Variants in CCDC171 observed in about 807,000 individuals in gnomAD.
CCDC171 encodes the protein coiled-coil domain-containing protein 171.
In CCDC171, 177 loss-of-function variants were observed where a neutral mutation model predicts 168.2. The ratio of observed to expected loss-of-function variants is 1.05; its 90% CI spans 0.93 to 1.19. The LOEUF (loss-of-function observed/expected upper bound fraction) is 1.19, where lower values mean the gene tolerates loss of function less well. CCDC171 is among the 50% of genes most tolerant of loss of function. The pLI is 0.00. For synonymous variants in CCDC171, 687 were observed against 540.8 expected (o/e 1.27, Z -3.75); for missense variants, 1,991 against 1,539.0 (o/e 1.29, Z -4.91).
chr9:15,560,619 G>C (rs2132487843), intron 1 of CCDC171, among the ~76,000 whole-genome samples: 1 of 152,186 alleles, frequency 6.6e-6, no homozygotes, highest in African/African-American at 2.4e-5. Flanking sequence ...ATTCTAGTTA[G>C]CCATTCATCT....
At chr9:15,839,598 G>C (rs766329595) in intron 21 of CCDC171, among the ~76,000 whole-genome samples, 1 of 152,084 alleles carries the variant, frequency 6.6e-6, no homozygotes, top group Non-Finnish European at 1.5e-5. Context: ...TAATATGCTT[G>C]AGTTATAATG....
At chr9:15,991,605 C>T (rs1244312914) in intron 3 of CCDC171, among the ~76,000 whole-genome samples, 1 of 152,088 alleles carries the variant, frequency 6.6e-6, no homozygotes, top group East Asian at 1.9e-4. Flanking sequence ...GAGATACAGA[C>T]ACAAAAATCC....
At chr9:15,573,265 A>G (rs563747147) in intron 3 of CCDC171, among the ~76,000 whole-genome samples, 1 of 152,284 alleles carries the variant, frequency 6.6e-6, no homozygotes, top group Non-Finnish European at 1.5e-5. Context: ...CATTTGAGGT[A>G]ATATTATTAT....
intron 23 of CCDC171, among the ~76,000 whole-genome samples, chr9:15,858,726 A>G (rs1048952616): frequency 6.6e-6 from 1 of 152,082 alleles, no homozygotes; most frequent in South Asian, 2.1e-4. Context: ...ATCTTAATTC[A>G]TAACAATCTA....
intron 9 of CCDC171, among the ~76,000 whole-genome samples, chr9:15,672,111 C>T (rs941272952): frequency 1.3e-5 from 2 of 152,158 alleles, no homozygotes; most frequent in Admixed American, 6.5e-5. Context: ...TGATCATGAG[C>T]GTTTTTTCAT....
chr9:15,692,129 G>C (rs753109674), intron 10 of CCDC171, among the ~76,000 whole-genome samples: 1 of 152,078 alleles, frequency 6.6e-6, no homozygotes, highest in African/African-American at 2.4e-5. Context: ...TAATCTCAAC[G>C]CTTTGGGAGA....
intron 1 of CCDC171, among the ~76,000 whole-genome samples, chr9:15,556,978 C>A (rs947396254): frequency 1.3e-5 from 2 of 152,278 alleles, no homozygotes; most frequent in African/African-American, 2.4e-5. Context: ...GTTTTCCCAA[C>A]ACCATTTATT....
At chr9:15,796,951 T>G (rs2135715467) in intron 21 of CCDC171, among the ~76,000 whole-genome samples, 1 of 152,334 alleles carries the variant, frequency 6.6e-6, no homozygotes, top group African/African-American at 2.4e-5. Context: ...GTGTGAGTTT[T>G]TAAGAAACTG....
chr9:15,917,477 T>A (rs1424624525), intron 24 of CCDC171, among the ~76,000 whole-genome samples: 1 of 151,740 alleles, frequency 6.6e-6, no homozygotes, highest in East Asian at 1.9e-4. Flanking sequence ...ATTATTATAT[T>A]CTTTTTAGTG....
chr9:16,101,979 T>C, the CCDC171 span, among the ~76,000 whole-genome samples: 5 of 152,228 alleles, frequency 3.3e-5, no homozygotes, highest in African/African-American at 1.2e-4. Flanking sequence ...CTTTGAGGTA[T>C]AAAAATACAC....
the CCDC171 span, among the ~76,000 whole-genome samples, chr9:16,076,742 A>G: frequency 2.6e-5 from 4 of 152,186 alleles, no homozygotes; most frequent in African/African-American, 4.8e-5. Context: ...AAACAATTAC[A>G]TTGTTGAAAC....
chr9:15,985,852 C>A (rs879738392), intron 3 of CCDC171, among the ~76,000 whole-genome samples: 1 of 152,204 alleles, frequency 6.6e-6, no homozygotes, highest in Non-Finnish European at 1.5e-5. Context: ...TTACTTGATA[C>A]CATTCACCAA....
chr9:15,770,762 G>A (rs1001279966), intron 18 of CCDC171, among the ~76,000 whole-genome samples: 3 of 152,158 alleles, frequency 2.0e-5, no homozygotes, highest in African/African-American at 7.2e-5. Flanking sequence ...TTTAAAAATA[G>A]TTTTGTTATT....
At chr9:15,555,952 C>T (rs1022106887) in intron 1 of CCDC171, among the ~76,000 whole-genome samples, 4 of 152,046 alleles carry the variant, frequency 2.6e-5, no homozygotes, top group African/African-American at 4.8e-5. Flanking sequence ...TCTGTCCTTG[C>T]GATATTTTGC....
chr9:15,912,166 T>A (rs1823759409), intron 24 of CCDC171, among the ~76,000 whole-genome samples: 1 of 152,242 alleles, frequency 6.6e-6, no homozygotes, highest in African/African-American at 2.4e-5. Context: ...TGGTATTGAT[T>A]CTTCCTATTC....
chr9:15,811,478 A>G (rs755878274), intron 21 of CCDC171, among the ~76,000 whole-genome samples: 2 of 152,148 alleles, frequency 1.3e-5, no homozygotes, highest in Non-Finnish European at 2.9e-5. Context: ...GGTCTGTAAT[A>G]TCTTTAGTGG....
chr9:15,872,791 T>C (rs367830687), intron 23 of CCDC171, among the ~76,000 whole-genome samples: 1 of 152,124 alleles, frequency 6.6e-6, no homozygotes, highest in East Asian at 1.9e-4. Context: ...GTTGATAAAT[T>C]CTCAGAACCT....
At chr9:15,738,917 G>A (rs1366383366) in intron 16 of CCDC171, among the ~76,000 whole-genome samples, 2 of 152,128 alleles carry the variant, frequency 1.3e-5, no homozygotes, top group African/African-American at 2.4e-5. Context: ...ACTGTGCTAA[G>A]CAAAGTCAGG....
At chr9:15,703,462 A>G (rs1486905192) in intron 11 of CCDC171, among the ~76,000 whole-genome samples, 5 of 152,138 alleles carry the variant, frequency 3.3e-5, no homozygotes, top group Non-Finnish European at 5.9e-5. Flanking sequence ...CTCTACCTCC[A>G]TGAGATCAAT....
Sources: gnomAD v4.1 joint callset for allele counts (sites outside exome capture counted in the v4.1 genomes callset) on GRCh38, gnomAD v4.1.1 for gene constraint, MANE v1.5 for transcripts, NCBI Gene and HGNC (gene_info 2026-07-23, HGNC 2026-07-21) for gene names.